The following RAB38 variants were observed in gnomAD, a reference collection of about 807,000 sequenced individuals.
The protein encoded by RAB38 is ras-related protein Rab-38.
A neutral mutation model predicts 18.4 loss-of-function variants in RAB38; 15 were observed. The observed-to-expected ratio is 0.82, with a 90% CI of 0.55 to 1.26. The LOEUF (loss-of-function observed/expected upper bound fraction) is 1.26. Ranked by LOEUF, RAB38 falls within the 50% of genes most tolerant of loss-of-function variation. The pLI, the probability that RAB38 is intolerant of heterozygous loss-of-function variation, is 0.00. For missense variants in RAB38, 294 were observed against 267.4 expected (o/e 1.10, Z -0.69); for synonymous variants, 101 against 104.4 (o/e 0.97, Z 0.20).
intron 2 of RAB38, among the ~76,000 whole-genome samples, chr11:88,139,157 C>G (rs1181157275): frequency 2.6e-5 from 4 of 152,086 alleles, no homozygotes; most frequent in East Asian, 1.9e-4. Flanking sequence ...ATAGGTAACT[C>G]TGCAGTAACA....
At chr11:88,049,170 C>T in the RAB38 span, among the ~76,000 whole-genome samples, 15 of 151,904 alleles carry the variant, frequency 9.9e-5, no homozygotes, top group South Asian at 2.1e-4. Context: ...AAATTTTCAC[C>T]GCCCCAACAC....
the RAB38 span, among the ~76,000 whole-genome samples, chr11:88,014,069 C>T: frequency 1.3e-5 from 2 of 152,128 alleles, no homozygotes; most frequent in Admixed American, 1.3e-4. Context: ...ACAATCTCCT[C>T]TTCCCCTCTT....
chr11:87,851,789 G>T, the RAB38 span, among the ~76,000 whole-genome samples: 8,809 of 152,212 alleles, frequency 0.058, 361 homozygotes, highest in Non-Finnish European at 0.083. Flanking sequence ...GAAGTGGTTG[G>T]CTGAGCTCTG....
chr11:88,105,212 C>CAA, the RAB38 span, among the ~76,000 whole-genome samples: 4 of 151,696 alleles, frequency 2.6e-5, no homozygotes, highest in East Asian at 1.9e-4. Flanking sequence ...TTATTTATTC[C>CAA]AAAAAAGTAT....
At chr11:87,977,866 C>T in the RAB38 span, among the ~76,000 whole-genome samples, 97,604 of 97,616 alleles carry the variant, frequency 1, 48,796 homozygotes, top group Middle Eastern at 1. Context: ...AATATACTTA[C>T]AAATATATAT....
At chr11:87,829,665 A>C in the RAB38 span, among the ~76,000 whole-genome samples, 1 of 152,186 alleles carries the variant, frequency 6.6e-6, no homozygotes, top group Non-Finnish European at 1.5e-5. Context: ...GTGGAGACAC[A>C]GGCTTAACTG....
chr11:87,925,697 C>T, the RAB38 span, among the ~76,000 whole-genome samples: 1 of 152,012 alleles, frequency 6.6e-6, no homozygotes, highest in Admixed American at 6.6e-5. Context: ...CTTGAGGGGA[C>T]CAGTGGGCAA....
chr11:87,976,968 GTA>G, the RAB38 span, among the ~76,000 whole-genome samples: 1 of 27,492 alleles, frequency 3.6e-5, no homozygotes, highest in Non-Finnish European at 6.2e-5. Flanking sequence ...CATTATACAA[GTA>G]TATTATAAAA....
chr11:88,005,262 G>A, the RAB38 span, among the ~76,000 whole-genome samples: 5 of 151,404 alleles, frequency 3.3e-5, no homozygotes, highest in South Asian at 2.1e-4. Context: ...TGAAGACAGC[G>A]GGAATTTGGT....
intron 2 of RAB38, among the ~76,000 whole-genome samples, chr11:88,138,675 C>T (rs1436561362): frequency 6.6e-6 from 1 of 151,922 alleles, no homozygotes; most frequent in East Asian, 1.9e-4. Flanking sequence ...ATAGTAATAG[C>T]ACCTATTTCA....
the RAB38 span, among the ~76,000 whole-genome samples, chr11:87,940,844 C>T: frequency 2.6e-5 from 4 of 151,938 alleles, no homozygotes; most frequent in Non-Finnish European, 5.9e-5. Flanking sequence ...TATTGCCAGG[C>T]TTGTCTCAAA....
chr11:87,967,657 G>A, the RAB38 span, among the ~76,000 whole-genome samples: 2 of 152,158 alleles, frequency 1.3e-5, no homozygotes, highest in African/African-American at 2.4e-5. Context: ...CCTTCCAGGT[G>A]GAGGGCATTG....
the RAB38 span, chr11:88,100,174 CAA>C: frequency 6.6e-6 from 1 of 151,848 alleles, no homozygotes; most frequent in Non-Finnish European, 1.5e-5. Flanking sequence ...CACACAAAGA[CAA>C]AACAACAAAG....
chr11:88,150,163 T>C (rs1157939231), intron 1 of RAB38, among the ~76,000 whole-genome samples: 1 of 152,204 alleles, frequency 6.6e-6, no homozygotes, highest in Non-Finnish European at 1.5e-5. Flanking sequence ...TTAACAAATA[T>C]GTACTGAGAA....
chr11:87,950,296 G>A, the RAB38 span, among the ~76,000 whole-genome samples: 1 of 152,082 alleles, frequency 6.6e-6, no homozygotes. Context: ...CACGTGAGAT[G>A]GGTTTCCTGA....
chr11:87,977,051 C>T, the RAB38 span, among the ~76,000 whole-genome samples: 168 of 4,822 alleles, frequency 0.035, 65 homozygotes, highest in East Asian at 1. Context: ...AATATAATTA[C>T]ATTATACAAG....
chr11:87,970,905 G>A, the RAB38 span, among the ~76,000 whole-genome samples: 1 of 151,992 alleles, frequency 6.6e-6, no homozygotes, highest in African/African-American at 2.4e-5. Context: ...CACAATTCTG[G>A]TGTGAGATGG....
chr11:87,976,750 TTA>T, the RAB38 span, among the ~76,000 whole-genome samples: 4 of 116,768 alleles, frequency 3.4e-5, no homozygotes, highest in Non-Finnish European at 6.4e-5. Context: ...ATTTATATAT[TTA>T]TATATATTTC....
At chr11:87,862,257 C>T in the RAB38 span, among the ~76,000 whole-genome samples, 1 of 151,908 alleles carries the variant, frequency 6.6e-6, no homozygotes, top group Non-Finnish European at 1.5e-5. Flanking sequence ...ATAGAATCAA[C>T]CTAAATGCCC....
Sources: gnomAD v4.1 joint callset for allele counts (sites outside exome capture counted in the v4.1 genomes callset) on GRCh38, gnomAD v4.1.1 for gene constraint, MANE v1.5 for transcripts, NCBI Gene and HGNC (gene_info 2026-07-23, HGNC 2026-07-21) for gene names.